Variants in LUZP1 observed in about 807,000 individuals in gnomAD.
LUZP1 encodes leucine zipper protein 1.
A neutral mutation model predicts 71.3 loss-of-function variants in LUZP1; 25 were observed. The ratio of observed to expected loss-of-function variants is 0.35; its 90% CI spans 0.26 to 0.49. The LOEUF (loss-of-function observed/expected upper bound fraction) is 0.49. LUZP1 is among the 20% of genes least tolerant of loss of function. The pLI, the probability that LUZP1 is intolerant of heterozygous loss-of-function variation, is 0.99. For missense variants in LUZP1, 1,142 were observed against 1,300.8 expected (o/e 0.88, Z 1.88); for synonymous variants, 481 against 506.4 (o/e 0.95, Z 0.67).
chr1:23,092,235 G>C (rs551357646), exon 4 of LUZP1: 2 of 1,614,112 alleles, frequency 1.2e-6, no homozygotes, highest in South Asian at 2.2e-5. Context: ...AGTGATGGTT[G>C]TATTTACCAA....
chr1:23,097,033 C>T (rs894917537), intron 3 of LUZP1, among the ~76,000 whole-genome samples: 1 of 152,116 alleles, frequency 6.6e-6, no homozygotes, highest in African/African-American at 2.4e-5. Context: ...GATCAAGGCA[C>T]CAGCAGGTTT....
chr1:23,124,095 A>C (rs1644151568), intron 2 of LUZP1, among the ~76,000 whole-genome samples: 1 of 152,212 alleles, frequency 6.6e-6, no homozygotes, highest in African/African-American at 2.4e-5. Flanking sequence ...AGACCACCCA[A>C]GGTACACACC....
At chr1:23,092,554 A>T in exon 4 of LUZP1, 1 of 1,614,120 alleles carries the variant, frequency 6.2e-7, no homozygotes, top group Non-Finnish European at 8.5e-7. Flanking sequence ...GATCTTCGAG[A>T]TGAGGCCAGG....
At chr1:23,176,307 C>T (rs1644582341) in intron 1 of LUZP1, among the ~76,000 whole-genome samples, 1 of 152,096 alleles carries the variant, frequency 6.6e-6, no homozygotes, top group African/African-American at 2.4e-5. Context: ...AATGATCTGC[C>T]CACCTCAGCC....
At chr1:23,171,573 G>C (rs556919197) in intron 1 of LUZP1, among the ~76,000 whole-genome samples, 52 of 152,356 alleles carry the variant, frequency 3.4e-4, no homozygotes, top group Non-Finnish European at 4.4e-4. Context: ...CATTTCTAGA[G>C]CACTGGCCTG....
chr1:23,119,754 T>G (rs1644115641), intron 2 of LUZP1, among the ~76,000 whole-genome samples: 1 of 152,176 alleles, frequency 6.6e-6, no homozygotes, highest in Non-Finnish European at 1.5e-5. Flanking sequence ...TCAGTAAATG[T>G]TCAATGGCCA....
At chr1:23,113,001 G>C (rs1295399267) in intron 2 of LUZP1, among the ~76,000 whole-genome samples, 2 of 152,206 alleles carry the variant, frequency 1.3e-5, no homozygotes, top group African/African-American at 4.8e-5. Flanking sequence ...TTTTGAGTCT[G>C]AGTTATTGTC....
intron 1 of LUZP1, among the ~76,000 whole-genome samples, chr1:23,176,029 G>C (rs1644579957): frequency 6.9e-6 from 1 of 145,966 alleles, no homozygotes; most frequent in African/African-American, 2.6e-5. Flanking sequence ...TCTCTTATCT[G>C]TCTTTTATTT....
chr1:23,151,505 A>T (rs1228674086), intron 2 of LUZP1, among the ~76,000 whole-genome samples: 1 of 152,206 alleles, frequency 6.6e-6, no homozygotes, highest in Non-Finnish European at 1.5e-5. Flanking sequence ...TGCGTAATCC[A>T]AGGATAGAGG....
chr1:23,168,156 C>A (rs904472513), intron 2 of LUZP1, among the ~76,000 whole-genome samples: 11 of 145,520 alleles, frequency 7.6e-5, no homozygotes, highest in African/African-American at 2.7e-4. Flanking sequence ...GACCCCTCCC[C>A]GCCCGGCCCG....
At chr1:23,101,642 G>A in intron 3 of LUZP1, among the ~76,000 whole-genome samples, 1 of 152,174 alleles carries the variant, frequency 6.6e-6, no homozygotes, top group African/African-American at 2.4e-5. Context: ...GATTCACTAA[G>A]ATCATCCCTT....
At chr1:23,119,824 T>C (rs867482368) in intron 2 of LUZP1, among the ~76,000 whole-genome samples, 19 of 152,230 alleles carry the variant, frequency 1.2e-4, no homozygotes, top group Middle Eastern at 3.2e-3. Context: ...AATGGACTTA[T>C]ATAAACTTAT....
rs192817123 is a variant in LUZP1, at chr1:23,163,636, A to G, written c.-226+5130T>C. 2.0e-5 allele frequency among the ~76,000 whole-genome samples: 3 copies of G among 152,314 alleles called. No homozygotes were observed. In the East Asian group the frequency reaches 5.8e-4, roughly 29 times the overall value. On this transcript the variant is annotated intron_variant, in intron 2 of 4. Transcript: ENST00000302291. ...GGATTAACTATCAATTCCTTAGAAC[A>G]TAAGGAGGAATCTCCAGAAATTAAG... is the stretch of plus-strand genomic sequence containing the variant.
rs961734965 is a variant in LUZP1, at chr1:23,093,264, T to C, written c.998A>G (p.Asn333Ser). ...CTCCAGTTGGCTGGCTAATAATTTG[T>C]TTTTATTTTGTTCACTTAGGTAATT... is the stretch of plus-strand genomic sequence containing the variant. Residue 333 changes from asparagine to serine, a missense_variant, in exon 4 of 5, where the codon AAC becomes AGC. Coordinates refer to ENST00000302291, the Ensembl canonical transcript of LUZP1. This position sits in a 1 kb window ranked among gnomAD's most constrained non-coding sequence, Gnocchi z 4.2. 5 of 1,612,340 alleles carry C rather than the reference T, an allele frequency of 3.1e-6. No individual in the cohort carries two copies. In the African/African-American group the frequency reaches 6.7e-5, roughly 22 times the overall value.
intron 2 of LUZP1, among the ~76,000 whole-genome samples, chr1:23,137,689 T>TA (rs533792226): frequency 7.9e-5 from 12 of 151,136 alleles, no homozygotes; most frequent in African/African-American, 2.2e-4. Context: ...ATGGCTGTAA[T>TA]AAAAAAAAGA....
chr1:23,154,357 C>A (rs1217433393), intron 2 of LUZP1, among the ~76,000 whole-genome samples: 1 of 152,018 alleles, frequency 6.6e-6, no homozygotes, highest in Non-Finnish European at 1.5e-5. Flanking sequence ...CATAGCCAGA[C>A]CCCCATCTCT....
In LUZP1 at chr1:23,094,339, G is replaced by A. The variant is rs938526415; in HGVS notation, c.-78C>T. Reference sequence around the variant, plus strand: ...GATGAGAAATGGTTACCTTTCTCTTGGCAACCACAATCTTCTTTGACAGCT... The same window carrying A: ...GATGAGAAATGGTTACCTTTCTCTTAGCAACCACAATCTTCTTTGACAGCT... On this transcript the variant is annotated 5_prime_UTR_variant, in exon 4 of 5. Transcript: ENST00000302291. This position sits in a 1 kb window ranked among gnomAD's most constrained non-coding sequence, Gnocchi z 4.7. The A allele has an allele frequency of 5.8e-5, 87 of 1,505,270 alleles. No individual in the cohort carries two copies. Among genetic ancestry groups the A allele is most frequent in the Non-Finnish European group, 7.1e-5 (80 of 1,131,266 alleles). 93.2% of individuals were successfully genotyped at this position (1,505,270 alleles called of 1,614,324 possible). A position where few individuals can be genotyped will look rare whatever the true frequency, so the allele number is the denominator to read the frequency against.
intron 2 of LUZP1, among the ~76,000 whole-genome samples, chr1:23,148,634 CA>C (rs1644360226): frequency 6.6e-6 from 1 of 152,104 alleles, no homozygotes; most frequent in Non-Finnish European, 1.5e-5. Context: ...CTGAGATTCT[CA>C]GTGTAATTAT....
At chr1:23,106,891 C>T (rs531325765) in intron 3 of LUZP1, among the ~76,000 whole-genome samples, 1 of 152,290 alleles carries the variant, frequency 6.6e-6, no homozygotes. Context: ...CAGATCAAGT[C>T]ACTCCTCTGC....
Sources: gnomAD v4.1 joint callset for allele counts (sites outside exome capture counted in the v4.1 genomes callset) on GRCh38, gnomAD v4.1.1 for gene constraint, Gnocchi (gnomAD v3.1) non-coding constraint, MANE v1.5 for transcripts, NCBI Gene and HGNC (gene_info 2026-07-23, HGNC 2026-07-21) for gene names.